GUCY1A2: variants seen among roughly 807,000 people sequenced by gnomAD.
The protein encoded by GUCY1A2 is guanylate cyclase 1 soluble subunit alpha 2, also known as guanylate cyclase soluble subunit alpha-2.
Under a neutral mutation model 63.5 loss-of-function variants are expected in GUCY1A2, and 27 were observed. The observed-to-expected ratio is 0.43, with a 90% confidence interval of 0.31 to 0.59. The LOEUF is 0.59. Ranked by LOEUF, GUCY1A2 falls within the 20% of genes least tolerant of loss-of-function variation. The probability of loss-of-function intolerance (pLI) is 0.11; values close to 1 mark genes in which losing one functional copy is unlikely to be tolerated. For synonymous variants in GUCY1A2, 364 were observed against 343.5 expected, an observed-to-expected ratio of 1.06 and a Z score of -0.66; for missense variants, 768 against 913.3, an observed-to-expected ratio of 0.84 and a Z score of 2.05.
At chr11:106,911,648 T>C (rs1860295699) in intron 4 of GUCY1A2, among the ~76,000 whole-genome samples, 4 of 152,088 alleles carry the variant, frequency 2.6e-5, no homozygotes. Context: ...TACTAAGTTG[T>C]ATGCACAGCA....
chr11:106,804,108 T>C (rs1858647302), intron 5 of GUCY1A2, among the ~76,000 whole-genome samples: 1 of 152,370 alleles, frequency 6.6e-6, no homozygotes, highest in African/African-American at 2.4e-5. Flanking sequence ...TTAAAGGTTC[T>C]ATGGAAGTCA....
chr11:106,697,242 T>C (rs904195382), intron 7 of GUCY1A2, among the ~76,000 whole-genome samples: 4 of 152,208 alleles, frequency 2.6e-5, no homozygotes, highest in Non-Finnish European at 4.4e-5. Context: ...GACTAATGCA[T>C]GAGAATCTTT....
intron 4 of GUCY1A2, among the ~76,000 whole-genome samples, chr11:106,901,086 C>T (rs1860126314): frequency 6.6e-6 from 1 of 152,182 alleles, no homozygotes; most frequent in African/African-American, 2.4e-5. Flanking sequence ...CAATTGGAGT[C>T]AATCCTCTCA....
chr11:106,825,591 A>G (rs958549970), intron 4 of GUCY1A2, among the ~76,000 whole-genome samples: 19 of 151,690 alleles, frequency 1.3e-4, no homozygotes, highest in Non-Finnish European at 2.6e-4. Flanking sequence ...TTTTGACATA[A>G]CTATCTTTTT....
At chr11:107,006,702 A>C (rs552073222) in intron 1 of GUCY1A2, among the ~76,000 whole-genome samples, 35 of 152,354 alleles carry the variant, frequency 2.3e-4, no homozygotes, top group African/African-American at 8.4e-4. Context: ...ATTATCAAGC[A>C]CTTGATTATC....
chr11:106,791,015 C>T lies in GUCY1A2; in HGVS notation c.1693-14433G>A, dbSNP rs866848867. On this transcript the variant is annotated intron_variant, in intron 5 of 7. Transcript: ENST00000526355. ...TGGTATCTCAGTAAGTTGTGTCTCC[C>T]ACAAGTCCACTGGCTCCAGGCCCAG... Among the ~76,000 whole-genome samples, 9 of 152,294 alleles carry T rather than the reference C, an allele frequency of 5.9e-5. 1 individual carries two copies. In the South Asian group the frequency reaches 1.7e-3, roughly 28 times the overall value.
intron 3 of GUCY1A2, among the ~76,000 whole-genome samples, chr11:106,970,888 T>G (rs1245754636): frequency 1.5e-4 from 21 of 137,168 alleles, no homozygotes; most frequent in Admixed American, 3.7e-4. Flanking sequence ...TTCAGGGGGG[T>G]GGGGGGAAAG....
At chr11:106,966,677 T>G (rs1458008722) in intron 3 of GUCY1A2, among the ~76,000 whole-genome samples, 1 of 152,190 alleles carries the variant, frequency 6.6e-6, no homozygotes, top group Non-Finnish European at 1.5e-5. Flanking sequence ...TTTCCTGCAG[T>G]TAATATAACA....
chr11:106,878,167 T>C (rs935351433), intron 4 of GUCY1A2, among the ~76,000 whole-genome samples: 11 of 152,108 alleles, frequency 7.2e-5, no homozygotes, highest in African/African-American at 2.7e-4. Flanking sequence ...AAAGCACTTA[T>C]ACACTGTGAG....
chr11:106,938,754 C>T (rs955727138), intron 4 of GUCY1A2, among the ~76,000 whole-genome samples: 1 of 151,996 alleles, frequency 6.6e-6, no homozygotes, highest in African/African-American at 2.4e-5. Flanking sequence ...TTCATTTAAA[C>T]CCAAATATTT....
intron 3 of GUCY1A2, among the ~76,000 whole-genome samples, chr11:106,949,391 C>A (rs561207092): frequency 6.6e-6 from 1 of 152,294 alleles, no homozygotes; most frequent in East Asian, 1.9e-4. Context: ...ACATGCTCAA[C>A]AATCTCTCTC....
chr11:106,806,451 G>C (rs903246554), intron 5 of GUCY1A2, among the ~76,000 whole-genome samples: 17 of 152,116 alleles, frequency 1.1e-4, no homozygotes, highest in Non-Finnish European at 2.4e-4. Flanking sequence ...AAAATCAAAG[G>C]CTTTCCCAAA....
chr11:106,802,134 C>T (rs1858612681), intron 5 of GUCY1A2, among the ~76,000 whole-genome samples: 1 of 152,146 alleles, frequency 6.6e-6, no homozygotes, highest in African/African-American at 2.4e-5. Flanking sequence ...GTAATAGAAA[C>T]ACCTCAGTTC....
intron 2 of GUCY1A2, among the ~76,000 whole-genome samples, chr11:106,979,290 C>CT (rs1394249732): frequency 1.3e-5 from 2 of 151,936 alleles, no homozygotes; most frequent in African/African-American, 4.8e-5. Context: ...CCCGTCTCTA[C>CT]TAAAAATACA....
rs544858789 is a variant in GUCY1A2, at chr11:106,728,048, G to A, written c.1837-19382C>T. ...ATAATGCCTAATGGCCTGGCTCCTC[G>A]TAAATGTCCCATTTCATCTGATGCT... On this transcript the variant is annotated intron_variant, in intron 6 of 7. Transcript: ENST00000526355. 3.3e-5 allele frequency among the ~76,000 whole-genome samples: 5 copies of A among 152,196 alleles called. No individual in the cohort carries two copies. The South Asian group carries it at 8.3e-4, about 25-fold the overall frequency.
At chr11:106,808,974 T>G (rs1390072669) in intron 5 of GUCY1A2, among the ~76,000 whole-genome samples, 1 of 152,138 alleles carries the variant, frequency 6.6e-6, no homozygotes, top group Admixed American at 6.6e-5. Flanking sequence ...TGTTTACCAC[T>G]CAGAAGAGAT....
At chr11:106,725,097 G>C (rs958051251) in intron 6 of GUCY1A2, among the ~76,000 whole-genome samples, 1 of 148,200 alleles carries the variant, frequency 6.7e-6, no homozygotes, top group Non-Finnish European at 1.5e-5. Context: ...TATTTTGGTA[G>C]AGAACAACTC....
chr11:106,747,602 T>A (rs1211504518), intron 6 of GUCY1A2, among the ~76,000 whole-genome samples: 2 of 152,182 alleles, frequency 1.3e-5, no homozygotes, highest in Non-Finnish European at 2.9e-5. Context: ...ACATTCTGGG[T>A]TTTTGCATTT....
Position 106,915,694 on chromosome 11 carries a change from G to A in GUCY1A2, c.1206+23766C>T, listed in dbSNP as rs1284476321. Among the ~76,000 whole-genome samples the A allele has an allele frequency of 2.1e-5, 3 of 144,948 alleles. 1 individual carries two copies. Among genetic ancestry groups the A allele is most frequent in the African/African-American group, 7.4e-5 (3 of 40,810 alleles). ...CTTACAGAGATCATAGAAAAAGGGT[G>A]CTTCTTCGTTCAACCCAATTTTAAT... is the stretch of plus-strand genomic sequence containing the variant. On this transcript the variant is annotated intron_variant, in intron 4 of 7. Coordinates refer to ENST00000526355, the MANE Select transcript of GUCY1A2 (RefSeq NM_000855.3).
Sources: allele counts gnomAD v4.1 joint callset (sites outside exome capture counted in the v4.1 genomes callset), GRCh38; gene constraint gnomAD v4.1.1; transcripts MANE v1.5; gene names NCBI Gene and HGNC (gene_info 2026-07-23, HGNC 2026-07-21).